Variants in RPS6KA6 observed in about 807,000 individuals in gnomAD.
RPS6KA6 encodes ribosomal protein S6 kinase A6, also known as ribosomal protein S6 kinase alpha-6.
Under a neutral mutation model 65.4 loss-of-function variants are expected in RPS6KA6, and 27 were observed. That is an observed-to-expected ratio of 0.41 (90% CI 0.30 to 0.57). The LOEUF (loss-of-function observed/expected upper bound fraction) is 0.57. Among genes scored for constraint, RPS6KA6 ranks in the 20% least tolerant of loss-of-function variants. RPS6KA6 has a pLI of 0.24. For missense variants in RPS6KA6, 486 were observed against 555.6 expected, an observed-to-expected ratio of 0.87 and a Z score of 1.26; for synonymous variants, 190 against 184.2, an observed-to-expected ratio of 1.03 and a Z score of -0.26.
Position 84,107,685 on chromosome X carries a change from G to A in RPS6KA6, c.1049C>T (p.Ala350Val). The A allele has an allele frequency of 8.3e-7, 1 of 1,201,525 alleles. No homozygotes were observed. The highest frequency in any genetic ancestry group is 1.1e-6 in the Non-Finnish European group (1 of 887,923). The part of the protein sequence containing the change: ...KREVQPPFKP[A>V]SGKPDDTFCF... Reference sequence around the variant, plus strand: ...AAAAGTATCATCTGGTTTTCCAGAAGCAGGTTTGAAAGGAGGTTGAACTTC... The same window carrying A: ...AAAAGTATCATCTGGTTTTCCAGAAACAGGTTTGAAAGGAGGTTGAACTTC... Residue 350 changes from alanine (A) to valine (V), a missense_variant, in exon 13 of 22, where the codon GCT becomes GTT. Ala to Val is a moderately conservative substitution (Grantham distance 64). Around this residue, in one of 3 missense-constraint regions of RPS6KA6, gnomAD observed 345 missense variants for 375.0 expected, o/e 0.92. Transcript: ENST00000262752.
At chrX:84,158,093 C>T (rs2035446731) in intron 2 of RPS6KA6, among the ~76,000 whole-genome samples, 2 of 110,213 alleles carry the variant, frequency 1.8e-5, no homozygotes, top group South Asian at 7.7e-4. Context: ...GGTATTACAC[C>T]ACATTGATCT....
At chrX:84,075,230 G>A (rs184429973) in intron 20 of RPS6KA6, among the ~76,000 whole-genome samples, 164 of 107,868 alleles carry the variant, frequency 1.5e-3, no homozygotes, top group African/African-American at 5.2e-3. Context: ...AGACTCCGTC[G>A]CAAAACAAAC....
At chrX:84,151,175 T>G (rs1380183232) in intron 3 of RPS6KA6, among the ~76,000 whole-genome samples, 23 of 99,390 alleles carry the variant, frequency 2.3e-4, no homozygotes, top group African/African-American at 8.4e-4. Context: ...TAGATATATA[T>G]ATAGCTATAT....
At chrX:84,128,653 G>T (rs1253058333) in intron 8 of RPS6KA6, among the ~76,000 whole-genome samples, 1 of 111,459 alleles carries the variant, frequency 9.0e-6, no homozygotes, top group Non-Finnish European at 1.9e-5. Context: ...CAGAAACATA[G>T]AACAGGGAAC....
chrX:84,138,889 T>C (rs890155626), intron 6 of RPS6KA6, among the ~76,000 whole-genome samples: 1 of 109,813 alleles, frequency 9.1e-6, no homozygotes, highest in Non-Finnish European at 1.9e-5. Context: ...CCCTTTAAAA[T>C]ACAAATGACA....
chrX:84,072,054 C>T (rs1014179514), intron 20 of RPS6KA6, among the ~76,000 whole-genome samples: 1 of 111,486 alleles, frequency 9.0e-6, no homozygotes, highest in African/African-American at 3.3e-5. Flanking sequence ...GGATAGAATC[C>T]TGCCAAACTC....
chrX:84,094,804 G>C (rs1208453952), intron 20 of RPS6KA6, among the ~76,000 whole-genome samples: 1 of 111,765 alleles, frequency 8.9e-6, no homozygotes, highest in Non-Finnish European at 1.9e-5. Context: ...GATCTCAGCA[G>C]ATATTTTTAA....
At chrX:84,180,592 T>C (rs1478321331) in intron 1 of RPS6KA6, among the ~76,000 whole-genome samples, 1 of 111,886 alleles carries the variant, frequency 8.9e-6, no homozygotes, top group Admixed American at 9.5e-5. Flanking sequence ...TTTTTCAAAA[T>C]TGTTTTAGAG....
chrX:84,131,757 T>A (rs76239467), intron 8 of RPS6KA6, among the ~76,000 whole-genome samples: 11,527 of 111,746 alleles, frequency 0.1, 571 homozygotes, highest in South Asian at 0.17. Flanking sequence ...TGTTATACAG[T>A]GGTTTTTCCA....
Position 84,061,849 on chromosome X carries a change from C to T in RPS6KA6, c.*2428G>A, listed in dbSNP as rs1227484329. On this transcript the variant is annotated 3_prime_UTR_variant, in exon 22 of 22. Transcript: ENST00000262752. ...TTACTAGTTAAGCATTGATAGAAGT[C>T]CCATCAAAAAAATGTTCAATCCAAA... 9.0e-6 allele frequency: 1 copy of T among 111,341 alleles called. No homozygotes were observed. Among genetic ancestry groups the T allele is most frequent in the Admixed American group, 9.5e-5 (1 of 10,478 alleles). The allele number at this position is 111,341 out of a possible 1,213,427, so 9.2% of individuals were successfully genotyped here.
At chrX:84,140,733 C>CAAA (rs776505772) in intron 6 of RPS6KA6, among the ~76,000 whole-genome samples, 22 of 41,680 alleles carry the variant, frequency 5.3e-4, no homozygotes, top group East Asian at 9.9e-4. Flanking sequence ...GACTCCATCT[C>CAAA]AAAAAAAAAA....
chrX:84,100,067 C>G (rs1338580373), intron 18 of RPS6KA6, among the ~76,000 whole-genome samples: 2 of 110,911 alleles, frequency 1.8e-5, no homozygotes, highest in African/African-American at 6.5e-5. Context: ...AGAAACAAAC[C>G]TCACTAAAAA....
chrX:84,128,281 C>CTACAAAACA (rs975791514), intron 8 of RPS6KA6, among the ~76,000 whole-genome samples: 4 of 110,729 alleles, frequency 3.6e-5, no homozygotes, highest in Admixed American at 2.9e-4. Flanking sequence ...TACAATGAAA[C>CTACAAAACA]TACAAAACAC....
intron 8 of RPS6KA6, among the ~76,000 whole-genome samples, chrX:84,133,491 T>C (rs1336456695): frequency 2.7e-5 from 3 of 111,242 alleles, no homozygotes; most frequent in African/African-American, 9.8e-5. Context: ...TCTTCCCTCC[T>C]CAGACAGTTT....
chrX:84,102,191 T>C lies in RPS6KA6; in HGVS notation c.1622A>G (p.His541Arg). The C allele has an allele frequency of 9.2e-7, 1 of 1,082,615 alleles. No individual in the cohort carries two copies. Among genetic ancestry groups the C allele is most frequent in the Non-Finnish European group, 1.2e-6 (1 of 808,126 alleles). The allele number at this position is 1,082,615 out of a possible 1,213,427, so 89.2% of individuals were successfully genotyped here. The change falls in exon 18 of 22, where the codon CAT (histidine) becomes CGT (arginine). Residue 541 changes from histidine to arginine, a missense_variant. By Grantham distance (29) the His-to-Arg change is conservative. Around this residue, in one of 3 missense-constraint regions of RPS6KA6, gnomAD observed 345 missense variants for 375.0 expected, o/e 0.92. Coordinates refer to ENST00000262752, the MANE Select transcript of RPS6KA6 (RefSeq NM_014496.5). ...VDYLHCQGVV[H>R]RDLKPSNILY... Reference sequence around the variant, plus strand: ...AATATTACTAGGTTTAAGATCACGATGAACAACCTTGAATATAAAGGAAAA... The same window carrying C: ...AATATTACTAGGTTTAAGATCACGACGAACAACCTTGAATATAAAGGAAAA...
intron 20 of RPS6KA6, among the ~76,000 whole-genome samples, chrX:84,065,464 C>A (rs929730201): frequency 9.0e-6 from 1 of 111,172 alleles, no homozygotes; most frequent in Non-Finnish European, 1.9e-5. Context: ...TTAAGCTGGG[C>A]CCCAAGGTGT....
chrX:84,106,851 C>A, intron 14 of RPS6KA6, 59 bp downstream of exon 14: 1 of 908,123 alleles, frequency 1.1e-6, no homozygotes, highest in African/African-American at 2.0e-5. Flanking sequence ...AAAAATACAT[C>A]AGCAATAACA....
chrX:84,077,242 C>T (rs2033680432), intron 20 of RPS6KA6, among the ~76,000 whole-genome samples: 1 of 111,068 alleles, frequency 9.0e-6, no homozygotes, highest in African/African-American at 3.3e-5. Context: ...AATTGAGAAG[C>T]TGATTATAAA....
At chrX:84,106,029 A>C (rs887230199) in intron 15 of RPS6KA6, among the ~76,000 whole-genome samples, 153 bp from the exon 16 acceptor site, 3 of 111,957 alleles carry the variant, frequency 2.7e-5, no homozygotes, top group Non-Finnish European at 5.7e-5. Context: ...AACATAAGTA[A>C]AAAACTTAAC....
Sources: allele counts gnomAD v4.1 joint callset (sites outside exome capture counted in the v4.1 genomes callset), GRCh38; gene constraint gnomAD v4.1.1; regional missense constraint gnomAD v4.1.1; transcripts MANE v1.5; gene names NCBI Gene and HGNC (gene_info 2026-07-23, HGNC 2026-07-21).